The following AHCYL1 variants were observed in gnomAD, a reference collection of about 807,000 sequenced individuals.
AHCYL1 encodes adenosylhomocysteinase like 1, also known as S-adenosylhomocysteine hydrolase-like protein 1.
AHCYL1 carries 20 observed loss-of-function variants against 79.3 expected under a neutral mutation model. That is an observed-to-expected ratio of 0.25 (90% CI 0.18 to 0.37). AHCYL1 has a LOEUF of 0.37. Ranked by LOEUF, AHCYL1 falls within the 10% of genes least tolerant of loss-of-function variation. The pLI is 1.00. For missense variants in AHCYL1, 330 were observed against 673.6 expected (o/e 0.49, Z 5.65); for synonymous variants, 223 against 242.2 (o/e 0.92, Z 0.74).
intron 1 of AHCYL1, among the ~76,000 whole-genome samples, chr1:109,990,584 A>T (rs985663221): frequency 8.5e-5 from 13 of 152,136 alleles, no homozygotes; most frequent in Non-Finnish European, 8.8e-5. Flanking sequence ...CAATAAGAAA[A>T]TTTTTTTCTG....
At position 110,009,163 on chromosome 1, in the gene AHCYL1, C is replaced by A; in HGVS notation, c.232+18C>A. The A allele has an allele frequency of 6.3e-7, 1 of 1,585,618 alleles. No individual in the cohort carries two copies. Among genetic ancestry groups the A allele is most frequent in the South Asian group, 1.1e-5 (1 of 90,200 alleles). On this transcript the variant is annotated intron_variant, in intron 2 of 16. Transcript: ENST00000369799. ...CAGTTCAGGTAGGTGTGAATGAACT[C>A]CATGTCCTCTCTAATCTCTCTTCCC... is the stretch of plus-strand genomic sequence containing the variant.
chr1:109,997,199 A>G (rs1284634564), intron 1 of AHCYL1, among the ~76,000 whole-genome samples: 1 of 152,238 alleles, frequency 6.6e-6, no homozygotes, highest in Non-Finnish European at 1.5e-5. Context: ...TCAAGTCAGA[A>G]TAAGAATTTC....
At chr1:110,013,417 T>A (rs1224276827) in intron 5 of AHCYL1, among the ~76,000 whole-genome samples, 1 of 152,204 alleles carries the variant, frequency 6.6e-6, no homozygotes, top group Non-Finnish European at 1.5e-5. Context: ...AAAATAATTT[T>A]TTATTATTCA....
chr1:110,018,028 G>A lies in AHCYL1; in HGVS notation c.1123+12G>A. The A allele has an allele frequency of 6.2e-7, 1 of 1,614,046 alleles. No homozygotes were observed. The highest frequency in any genetic ancestry group is 8.5e-7 in the Non-Finnish European group (1 of 1,179,912). On this transcript the variant is annotated intron_variant, in intron 11 of 16. Coordinates refer to ENST00000369799, the MANE Select transcript of AHCYL1 (RefSeq NM_006621.7). Reference sequence around the variant, plus strand: ...AATAACTTGCACAGGTAAATAACTTGCATAGAGAAGTGTTTATTCAGAGGC... The same window carrying A: ...AATAACTTGCACAGGTAAATAACTTACATAGAGAAGTGTTTATTCAGAGGC...
chr1:110,021,039 C>T, intron 16 of AHCYL1, among the ~76,000 whole-genome samples, 188 bp downstream of exon 16: 1 of 152,214 alleles, frequency 6.6e-6, no homozygotes, highest in East Asian at 1.9e-4. Context: ...GGATGGATCA[C>T]TTGAGGTCAG....
chr1:110,019,658 C>T (rs1290370050), intron 15 of AHCYL1, 32 bp downstream of exon 15: 1 of 1,564,010 alleles, frequency 6.4e-7, no homozygotes, highest in Non-Finnish European at 8.7e-7. Flanking sequence ...TCTATGCAGA[C>T]AGCTGCATAG....
At chr1:110,002,789 A>G (rs1005980597) in intron 1 of AHCYL1, among the ~76,000 whole-genome samples, 12 of 152,258 alleles carry the variant, frequency 7.9e-5, no homozygotes, top group Non-Finnish European at 1.3e-4. Flanking sequence ...ACAACCCGAC[A>G]TGTGCCTCCT....
rs1210510671 is a variant in AHCYL1, at chr1:110,016,410, C to T, written c.849C>T (p.Thr283=). The change falls in exon 8 of 17, where the codon ACC becomes ACT. Residue 283 remains threonine, a synonymous_variant. Coordinates refer to ENST00000369799, the MANE Select transcript of AHCYL1 (RefSeq NM_006621.7). ...VPAMNVNDSV[T]KQKFDNLYCC... Reference sequence around the variant, plus strand: ...CCATGAACGTCAATGATTCTGTTACCAAACAGAAGTTTGATAACTTGTACT... The same window carrying T: ...CCATGAACGTCAATGATTCTGTTACTAAACAGAAGTTTGATAACTTGTACT... 3 of 1,614,048 alleles carry T rather than the reference C, an allele frequency of 1.9e-6. No individual in the cohort carries two copies. The highest frequency in any genetic ancestry group is 4.5e-5 in the East Asian group (2 of 44,876).
intron 6 of AHCYL1, 46 bp downstream of exon 6, chr1:110,014,903 C>G: frequency 6.5e-7 from 1 of 1,541,090 alleles, no homozygotes; most frequent in Admixed American, 1.7e-5. Flanking sequence ...GATTTATTTC[C>G]TTTTTTTCCC....
intron 1 of AHCYL1, among the ~76,000 whole-genome samples, chr1:109,990,953 T>C (rs1280121746): frequency 1.3e-5 from 2 of 152,172 alleles, no homozygotes; most frequent in African/African-American, 4.8e-5. Context: ...GCAGGTACTG[T>C]TTTCTCATTG....
rs1319116678 is a variant in AHCYL1 at position 109,985,005 on chromosome 1, G to A, written c.-48G>A. ...GGCAGGCGGGCGGGCGCCAGAGGGGGAAAGAGGCGGGGGCGGCGGGTCAGC... is the reference window on the plus strand; with the variant it reads ...GGCAGGCGGGCGGGCGCCAGAGGGGAAAAGAGGCGGGGGCGGCGGGTCAGC... On this transcript the variant is annotated 5_prime_UTR_variant, in exon 1 of 17. Transcript: ENST00000369799. 2.7e-6 allele frequency: 4 copies of A among 1,482,916 alleles called. No homozygotes were observed. The highest frequency in any genetic ancestry group is 2.0e-4 in the Middle Eastern group (1 of 4,980). The allele number at this position is 1,482,916 out of a possible 1,614,324, so 91.9% of individuals were successfully genotyped here.
intron 1 of AHCYL1, among the ~76,000 whole-genome samples, chr1:109,992,428 AAAGTT>A (rs1649816087): frequency 6.6e-6 from 1 of 151,724 alleles, no homozygotes; most frequent in Admixed American, 6.6e-5. Flanking sequence ...AAAAAAAAAA[AAAGTT>A]AAAGGACAGA....
rs12093312 is a variant in AHCYL1 at position 110,014,691 on chromosome 1, G to C, written c.581-72G>C. ...TCTTTTGCCTTTTTCTCTTCACATG[G>C]ATCTCAGAAAGTGATTTGGTACAGG... On this transcript the variant is annotated intron_variant, in intron 5 of 16. Transcript: ENST00000369799. 7,853 of 1,152,622 alleles carry C rather than the reference G, an allele frequency of 6.8e-3. 358 individuals are homozygous for C. The African/African-American group carries it at 0.1, about 15-fold the overall frequency. 71.4% of individuals were successfully genotyped at this position (1,152,622 alleles called of 1,614,324 possible).
Position 109,984,849 on chromosome 1 carries a change from C to A in AHCYL1, c.-204C>A, listed in dbSNP as rs564847095. 6.8e-6 allele frequency: 5 copies of A among 739,022 alleles called. No individual in the cohort carries two copies. Among genetic ancestry groups the A allele is most frequent in the Non-Finnish European group, 9.3e-6 (5 of 540,474 alleles). The allele number at this position is 739,022 out of a possible 1,614,324, so 45.8% of individuals were successfully genotyped here. On this transcript the variant is annotated 5_prime_UTR_variant, in exon 1 of 17. Transcript: ENST00000369799. ...GCTGCTGTTCTGGTTCTCTTGTGGC[C>A]GCCGTCGCTGTCCGGCTGCCTTGGG...
In AHCYL1 at chr1:109,985,034, T is replaced by C; in HGVS notation, c.-19T>C. 1 of 1,540,824 alleles carries C rather than the reference T, an allele frequency of 6.5e-7. No homozygotes were observed. Among genetic ancestry groups the C allele is most frequent in the East Asian group, 2.6e-5 (1 of 39,012 alleles). On this transcript the variant is annotated 5_prime_UTR_variant, in exon 1 of 17. Transcript: ENST00000369799. Reference sequence around the variant, plus strand: ...GAGGCGGGGGCGGCGGGTCAGCCGCTGGCCGGGCCGGCCGGGGAATGTCGA... The same window carrying C: ...GAGGCGGGGGCGGCGGGTCAGCCGCCGGCCGGGCCGGCCGGGGAATGTCGA...
intron 1 of AHCYL1, among the ~76,000 whole-genome samples, chr1:109,986,985 T>C (rs752956581): frequency 1.1e-4 from 17 of 152,238 alleles, no homozygotes; most frequent in Non-Finnish European, 2.2e-4. Flanking sequence ...TTTAGACTTA[T>C]ATTGCATTAG....
chr1:109,994,725 G>T (rs1377239202), intron 1 of AHCYL1, among the ~76,000 whole-genome samples: 1 of 152,196 alleles, frequency 6.6e-6, no homozygotes, highest in Non-Finnish European at 1.5e-5. Flanking sequence ...AGGGTTCAGT[G>T]CCCAGCTTCT....
chr1:110,010,278 A>T (rs1392155817), intron 2 of AHCYL1, among the ~76,000 whole-genome samples: 1 of 152,216 alleles, frequency 6.6e-6, no homozygotes, highest in African/African-American at 2.4e-5. Flanking sequence ...GGGGAAGATA[A>T]TCTTTAGTAG....
In AHCYL1 at chr1:110,018,399, C is replaced by T. The variant is rs1557775850; in HGVS notation, c.1150C>T (p.His384Tyr). 2 of 1,614,036 alleles carry T rather than the reference C, an allele frequency of 1.2e-6. No individual in the cohort carries two copies. The highest frequency in any genetic ancestry group is 1.7e-5 in the Admixed American group (1 of 60,004). Residue 384 changes from histidine (H) to tyrosine (Y), a missense_variant, in exon 12 of 17, where the codon CAC (histidine) becomes TAC (tyrosine). Physicochemically the swap from His to Tyr is moderately conservative, Grantham distance 83. Transcript: ENST00000369799. ...AAATAAGAATGTAGTGACACGGGAG[C>T]ACTTGGATCGCATGAAAAACAGTTG... ...TGNKNVVTRE[H>Y]LDRMKNSCIV...
Sources: allele counts gnomAD v4.1 joint callset (sites outside exome capture counted in the v4.1 genomes callset), GRCh38; gene constraint gnomAD v4.1.1; transcripts MANE v1.5; gene names NCBI Gene and HGNC (gene_info 2026-07-23, HGNC 2026-07-21).